Variants in TSHZ2 observed in about 807,000 individuals in gnomAD.
TSHZ2 encodes the protein teashirt homolog 2.
In TSHZ2, 21 loss-of-function variants were observed where a neutral mutation model predicts 74.4. The ratio of observed to expected loss-of-function variants is 0.28; its 90% CI spans 0.20 to 0.41. TSHZ2 has a LOEUF of 0.41. Among genes scored for constraint, TSHZ2 ranks in the 10% least tolerant of loss-of-function variants. The pLI, the probability that TSHZ2 is intolerant of heterozygous loss-of-function variation, is 1.00. For synonymous variants in TSHZ2, 540 were observed against 515.3 expected, an observed-to-expected ratio of 1.05 and a Z score of -0.65; for missense variants, 1,244 against 1,293.5, an observed-to-expected ratio of 0.96 and a Z score of 0.59.
chr20:53,480,582 A>T (rs2741377), intron 2 of TSHZ2, among the ~76,000 whole-genome samples: 99,679 of 150,392 alleles, frequency 0.66, 33,803 homozygotes, highest in African/African-American at 0.8. Flanking sequence ...AAAAAAAAAA[A>T]GAAAAAAATA....
intron 1 of TSHZ2, among the ~76,000 whole-genome samples, chr20:53,066,224 G>A (rs1366133312): frequency 6.6e-6 from 1 of 152,020 alleles, no homozygotes; most frequent in Non-Finnish European, 1.5e-5. Context: ...CCAAACTCAA[G>A]GGGAAGGGTT....
At chr20:53,310,317 A>C (rs1444061012) in intron 2 of TSHZ2, among the ~76,000 whole-genome samples, 1 of 152,250 alleles carries the variant, frequency 6.6e-6, no homozygotes, top group African/African-American at 2.4e-5. Flanking sequence ...CTATTGGACT[A>C]GATCAGAGGA....
At chr20:53,273,984 A>T (rs542767261) in intron 2 of TSHZ2, among the ~76,000 whole-genome samples, 1 of 152,274 alleles carries the variant, frequency 6.6e-6, no homozygotes, top group African/African-American at 2.4e-5. Flanking sequence ...ATTCCGATAA[A>T]AGTAAACCAC....
chr20:53,085,345 A>G (rs552972918), intron 1 of TSHZ2, among the ~76,000 whole-genome samples: 1 of 152,212 alleles, frequency 6.6e-6, no homozygotes, highest in African/African-American at 2.4e-5. Context: ...AGCCTGGGCA[A>G]CACAATGAAA....
chr20:53,195,955 A>C (rs1263019665), intron 1 of TSHZ2, among the ~76,000 whole-genome samples: 2 of 152,120 alleles, frequency 1.3e-5, no homozygotes, highest in Non-Finnish European at 2.9e-5. Context: ...AGAATGATGT[A>C]TTCTATTTTT....
chr20:53,198,483 A>G (rs1482022316), intron 1 of TSHZ2, among the ~76,000 whole-genome samples: 2 of 152,252 alleles, frequency 1.3e-5, no homozygotes, highest in Non-Finnish European at 2.9e-5. Flanking sequence ...TGAAATTGAA[A>G]TTGAGGTCAC....
intron 1 of TSHZ2, among the ~76,000 whole-genome samples, chr20:53,127,187 C>T (rs1429017281): frequency 1.3e-5 from 2 of 152,118 alleles, no homozygotes; most frequent in Admixed American, 6.5e-5. Flanking sequence ...TGTTATTTTT[C>T]AATAAATATG....
Position 53,487,272 on chromosome 20 carries a change from C to CAAAAAAAA in TSHZ2, c.*151_*158dup, listed in dbSNP as rs11394425. On this transcript the variant is annotated 3_prime_UTR_variant, in exon 3 of 3. Coordinates refer to ENST00000371497, the MANE Select transcript of TSHZ2 (RefSeq NM_173485.6). Reference sequence around the variant, plus strand: ...GACACCCTGGCTCTGAGAAGACTGCCAAAAAAAAAAAAAAAAAAAAATCAC... The same window carrying CAAAAAAAA: ...GACACCCTGGCTCTGAGAAGACTGCCAAAAAAAAAAAAAAAAAAAAAAAAAAAAATCAC... 4.5e-5 allele frequency: 5 copies of CAAAAAAAA among 112,092 alleles called. No homozygotes were observed. The highest frequency in any genetic ancestry group is 1.7e-4 in the African/African-American group (5 of 30,082). 6.9% of individuals were successfully genotyped at this position (112,092 alleles called of 1,614,324 possible).
chr20:53,328,409 A>G lies in TSHZ2; in HGVS notation c.*8+71838A>G, dbSNP rs118179547. Among the ~76,000 whole-genome samples, 1,350 of 152,322 alleles carry G rather than the reference A, an allele frequency of 8.9e-3. 14 individuals are homozygous for G. The highest frequency in any genetic ancestry group is 0.013 in the Non-Finnish European group (904 of 68,044). ...GAATCTCAGCATTTACAGACTTATCATTTGTAATTTGGACTCTTTATTCCT... is the reference window on the plus strand; with the variant it reads ...GAATCTCAGCATTTACAGACTTATCGTTTGTAATTTGGACTCTTTATTCCT... On this transcript the variant is annotated intron_variant, in intron 2 of 2. Transcript: ENST00000371497.
intron 2 of TSHZ2, among the ~76,000 whole-genome samples, chr20:53,482,233 A>C (rs532285045): frequency 6.6e-6 from 1 of 152,246 alleles, no homozygotes; most frequent in Admixed American, 6.5e-5. Flanking sequence ...CAAGCCGTAT[A>C]AGAAGCAGTG....
At chr20:53,197,317 A>T (rs997509182) in intron 1 of TSHZ2, among the ~76,000 whole-genome samples, 6 of 152,212 alleles carry the variant, frequency 3.9e-5, no homozygotes, top group South Asian at 2.1e-4. Flanking sequence ...TTTAATTTTT[A>T]AAAAAATTTT....
At chr20:53,042,604 T>C (rs1031542599) in intron 1 of TSHZ2, among the ~76,000 whole-genome samples, 1 of 151,880 alleles carries the variant, frequency 6.6e-6, no homozygotes, top group Non-Finnish European at 1.5e-5. Flanking sequence ...AAATTTCGAG[T>C]TCTTTCACTT....
chr20:53,132,749 C>T (rs916892260), intron 1 of TSHZ2, among the ~76,000 whole-genome samples: 13 of 152,126 alleles, frequency 8.5e-5, no homozygotes, highest in Admixed American at 6.5e-4. Context: ...CATTGAGTGC[C>T]AAGCCTATTG....
At chr20:53,357,026 A>G (rs552958322) in intron 2 of TSHZ2, among the ~76,000 whole-genome samples, 1 of 152,272 alleles carries the variant, frequency 6.6e-6, no homozygotes, top group South Asian at 2.1e-4. Flanking sequence ...CTATCATAAT[A>G]ATTTTTTAAA....
At chr20:53,484,262 G>C (rs1986232990) in intron 2 of TSHZ2, among the ~76,000 whole-genome samples, 1 of 152,162 alleles carries the variant, frequency 6.6e-6, no homozygotes, top group Non-Finnish European at 1.5e-5. Context: ...CTGTAATCTA[G>C]GTAGGGTGGT....
intron 2 of TSHZ2, among the ~76,000 whole-genome samples, chr20:53,363,859 C>A (rs1339435941): frequency 6.6e-6 from 1 of 152,170 alleles, no homozygotes; most frequent in African/African-American, 2.4e-5. Context: ...TAAATAGAAA[C>A]CTGATTCATA....
At chr20:53,417,536 A>G (rs1200179547) in intron 2 of TSHZ2, among the ~76,000 whole-genome samples, 1 of 152,164 alleles carries the variant, frequency 6.6e-6, no homozygotes, top group Middle Eastern at 3.2e-3. Flanking sequence ...ACCTCAGGTA[A>G]TCTGCCGGCC....
At chr20:53,253,267 A>T (rs2123719100) in intron 1 of TSHZ2, among the ~76,000 whole-genome samples, 2 of 147,562 alleles carry the variant, frequency 1.4e-5, no homozygotes, top group South Asian at 2.3e-4. Context: ...TTGGGATCCT[A>T]GGCATTTATA....
At chr20:53,409,170 T>C (rs1982954564) in intron 2 of TSHZ2, among the ~76,000 whole-genome samples, 1 of 152,180 alleles carries the variant, frequency 6.6e-6, no homozygotes, top group South Asian at 2.1e-4. Context: ...TCCAGAATGA[T>C]GACACTAATA....
Sources: allele counts gnomAD v4.1 joint callset (sites outside exome capture counted in the v4.1 genomes callset), GRCh38; gene constraint gnomAD v4.1.1; transcripts MANE v1.5; gene names NCBI Gene and HGNC (gene_info 2026-07-23, HGNC 2026-07-21).